The following TNFSF4 variants were observed in gnomAD, a reference collection of about 807,000 sequenced individuals.
TNFSF4 encodes TNF superfamily member 4.
TNFSF4 carries 4 observed loss-of-function variants against 7.3 expected under a neutral mutation model. The ratio of observed to expected loss-of-function variants is 0.55; its 90% confidence interval spans 0.27 to 1.25. The LOEUF is 1.25. Among genes scored for constraint, TNFSF4 ranks in the 50% most tolerant of loss-of-function variants. TNFSF4 has a pLI of 0.12. For missense variants in TNFSF4, 181 were observed against 208.8 expected (o/e 0.87, Z 0.82); for synonymous variants, 76 against 83.7 (o/e 0.91, Z 0.50).
At chr1:173,326,897 A>G in the TNFSF4 span, among the ~76,000 whole-genome samples, 5 of 152,288 alleles carry the variant, frequency 3.3e-5, no homozygotes, top group East Asian at 7.7e-4. Flanking sequence ...AACATTCCAT[A>G]CTCATGGGTA....
At chr1:173,388,763 T>C in the TNFSF4 span, among the ~76,000 whole-genome samples, 4 of 152,264 alleles carry the variant, frequency 2.6e-5, no homozygotes, top group Non-Finnish European at 1.5e-5. Flanking sequence ...ATTATTGCTA[T>C]TTTTAATGAA....
chr1:173,368,200 G>A, the TNFSF4 span, among the ~76,000 whole-genome samples: 1 of 152,212 alleles, frequency 6.6e-6, no homozygotes, highest in Middle Eastern at 3.4e-3. Context: ...TTCAGCAGCA[G>A]CAATCCACTC....
chr1:173,308,285 C>CTCTCTCTGTGTGTGTGTG, the TNFSF4 span, among the ~76,000 whole-genome samples: 1 of 135,056 alleles, frequency 7.4e-6, no homozygotes, highest in African/African-American at 2.9e-5. Flanking sequence ...CTCTCTCTCT[C>CTCTCTCTGTGTGTGTGTG]TGTGTGTGTG....
chr1:173,233,664 C>T, the TNFSF4 span, among the ~76,000 whole-genome samples: 1 of 152,274 alleles, frequency 6.6e-6, no homozygotes, highest in African/African-American at 2.4e-5. Context: ...TTTTTATTCA[C>T]ATAAGTTGCA....
chr1:173,336,517 G>A, the TNFSF4 span, among the ~76,000 whole-genome samples: 3 of 152,114 alleles, frequency 2.0e-5, no homozygotes, highest in Admixed American at 6.6e-5. Flanking sequence ...ACCAGAAGTA[G>A]TTTCAAGCAG....
chr1:173,208,843 T>A (rs1361302258), upstream of TNFSF4, among the ~76,000 whole-genome samples: 7 of 137,152 alleles, frequency 5.1e-5, no homozygotes, highest in South Asian at 2.3e-4. Context: ...TGACTAAGAG[T>A]CACAGCAAAA....
At chr1:173,396,369 G>C in the TNFSF4 span, among the ~76,000 whole-genome samples, 2 of 151,980 alleles carry the variant, frequency 1.3e-5, no homozygotes, top group South Asian at 4.2e-4. Flanking sequence ...AAATTAGCCA[G>C]CATGATGATG....
chr1:173,349,308 G>A, the TNFSF4 span, among the ~76,000 whole-genome samples: 229 of 152,294 alleles, frequency 1.5e-3, 1 homozygote, highest in African/African-American at 5.4e-3. Context: ...GATTACAGGC[G>A]TGAGCCACCA....
chr1:173,385,101 C>G, the TNFSF4 span, among the ~76,000 whole-genome samples: 1 of 152,068 alleles, frequency 6.6e-6, no homozygotes, highest in African/African-American at 2.4e-5. Context: ...TTTTCCCAGG[C>G]AGCTAAAAAT....
At chr1:173,359,233 A>G in the TNFSF4 span, among the ~76,000 whole-genome samples, 11 of 152,288 alleles carry the variant, frequency 7.2e-5, no homozygotes, top group Non-Finnish European at 1.2e-4. Flanking sequence ...TCCAAAGCCT[A>G]GCCCGTAGTA....
the TNFSF4 span, among the ~76,000 whole-genome samples, chr1:173,365,730 C>T: frequency 6.6e-6 from 1 of 152,102 alleles, no homozygotes; most frequent in African/African-American, 2.4e-5. Flanking sequence ...AAGAGTTGAT[C>T]ATTACTTCTG....
At chr1:173,276,430 A>C in the TNFSF4 span, among the ~76,000 whole-genome samples, 3 of 152,128 alleles carry the variant, frequency 2.0e-5, no homozygotes, top group Non-Finnish European at 2.9e-5. Flanking sequence ...GGACTCAAAC[A>C]CTATGATGGC....
At chr1:173,251,166 C>T in the TNFSF4 span, among the ~76,000 whole-genome samples, 1 of 152,146 alleles carries the variant, frequency 6.6e-6, no homozygotes, top group Non-Finnish European at 1.5e-5. Context: ...TATAAAGCCG[C>T]CAGGTGTTTA....
At chr1:173,316,482 C>T in the TNFSF4 span, among the ~76,000 whole-genome samples, 1 of 151,966 alleles carries the variant, frequency 6.6e-6, no homozygotes, top group Non-Finnish European at 1.5e-5. Context: ...AGTAAAAAAA[C>T]TTTAGATCTA....
the TNFSF4 span, among the ~76,000 whole-genome samples, chr1:173,375,336 T>C: frequency 6.6e-6 from 1 of 152,142 alleles, no homozygotes; most frequent in Non-Finnish European, 1.5e-5. Flanking sequence ...CAAGGCCCCC[T>C]CTTTGCCCCT....
the TNFSF4 span, among the ~76,000 whole-genome samples, chr1:173,404,634 ATTT>A: frequency 1.4e-5 from 2 of 143,226 alleles, no homozygotes; most frequent in African/African-American, 2.6e-5. Context: ...CCTGACTGCC[ATTT>A]TTTTTTTTTT....
the TNFSF4 span, among the ~76,000 whole-genome samples, chr1:173,234,793 G>A: frequency 6.6e-5 from 10 of 152,250 alleles, no homozygotes; most frequent in East Asian, 5.8e-4. Flanking sequence ...GGGGCCTGTC[G>A]TGGGGTGGAG....
At chr1:173,395,018 AGATAGATAGATAGATAGAT>A in the TNFSF4 span, among the ~76,000 whole-genome samples, 22 of 129,854 alleles carry the variant, frequency 1.7e-4, no homozygotes, top group African/African-American at 5.6e-4. Context: ...ATAGATAGAT[AGATAGATAGATAGATAGAT>A]GATAGATAGA....
chr1:173,226,923 G>T, the TNFSF4 span, among the ~76,000 whole-genome samples: 2 of 152,288 alleles, frequency 1.3e-5, no homozygotes, highest in African/African-American at 4.8e-5. Flanking sequence ...AGAGAAAAGG[G>T]GAAGTATGCT....
Sources: allele counts gnomAD v4.1 joint callset (sites outside exome capture counted in the v4.1 genomes callset), GRCh38; gene constraint gnomAD v4.1.1; transcripts MANE v1.5; gene names NCBI Gene and HGNC (gene_info 2026-07-23, HGNC 2026-07-21).